Variants in PHF20 observed in about 807,000 individuals in gnomAD.
PHF20 encodes PHD finger protein 20.
Under a neutral mutation model 113.5 loss-of-function variants are expected in PHF20, and 23 were observed. That is an observed-to-expected ratio of 0.20 (90% confidence interval 0.15 to 0.29). PHF20 has a LOEUF of 0.29. PHF20 is among the 10% of genes least tolerant of loss of function. The probability of loss-of-function intolerance (pLI) is 1.00; values close to 1 mark genes in which losing one functional copy is unlikely to be tolerated. For synonymous variants in PHF20, 434 were observed against 457.3 expected (o/e 0.95, Z 0.65); for missense variants, 943 against 1,219.6 (o/e 0.77, Z 3.38).
intron 2 of PHF20, among the ~76,000 whole-genome samples, chr20:35,837,767 A>C (rs1600806786): frequency 6.6e-6 from 1 of 152,340 alleles, no homozygotes; most frequent in Admixed American, 6.5e-5. Flanking sequence ...AAAAGCACTT[A>C]ATAAATTCCT....
intron 9 of PHF20, among the ~76,000 whole-genome samples, chr20:35,899,056 CTTTATT>C (rs544499204): frequency 2.0e-5 from 3 of 151,954 alleles, no homozygotes; most frequent in African/African-American, 7.3e-5. Flanking sequence ...ACCTGAGATC[CTTTATT>C]TTTATTTTTA....
chr20:35,866,187 G>A (rs1230834170), intron 6 of PHF20, among the ~76,000 whole-genome samples: 2 of 152,136 alleles, frequency 1.3e-5, no homozygotes, highest in South Asian at 4.1e-4. Context: ...TCCAGCTTGG[G>A]TGACAGAGCG....
At chr20:35,922,756 C>G (rs2055543193) in intron 13 of PHF20, among the ~76,000 whole-genome samples, 1 of 152,162 alleles carries the variant, frequency 6.6e-6, no homozygotes, top group African/African-American at 2.4e-5. Context: ...GTTTTGAGGG[C>G]CATATGGCCT....
chr20:35,790,424 C>T (rs2041521606), intron 1 of PHF20, among the ~76,000 whole-genome samples: 1 of 150,998 alleles, frequency 6.6e-6, no homozygotes, highest in Admixed American at 6.6e-5. Context: ...TGGTCTCAAA[C>T]TCCTGACCTC....
intron 16 of PHF20, among the ~76,000 whole-genome samples, 192 bp from the exon 17 acceptor site, chr20:35,940,672 C>T (rs2055960331): frequency 6.6e-6 from 1 of 152,154 alleles, no homozygotes; most frequent in Non-Finnish European, 1.5e-5. Context: ...TAGAGTGCTA[C>T]CCTGAGGTAG....
chr20:35,800,538 A>G (rs940101917), intron 1 of PHF20, among the ~76,000 whole-genome samples: 2 of 152,214 alleles, frequency 1.3e-5, no homozygotes, highest in Middle Eastern at 3.2e-3. Flanking sequence ...TGGGAGGTTG[A>G]TGTGGGCAGA....
chr20:35,773,892 C>T (rs1333456155), intron 1 of PHF20, among the ~76,000 whole-genome samples: 2 of 152,130 alleles, frequency 1.3e-5, no homozygotes, highest in African/African-American at 4.8e-5. Flanking sequence ...AAAACAAAAA[C>T]AAACAAAACT....
At chr20:35,792,437 C>T (rs1226130569) in intron 1 of PHF20, among the ~76,000 whole-genome samples, 5 of 152,144 alleles carry the variant, frequency 3.3e-5, no homozygotes, top group African/African-American at 1.2e-4. Context: ...GATCCGCCCT[C>T]CTCGACCTCC....
chr20:35,895,333 A>G (rs1446463188), intron 9 of PHF20, among the ~76,000 whole-genome samples: 1 of 151,498 alleles, frequency 6.6e-6, no homozygotes, highest in Non-Finnish European at 1.5e-5. Context: ...TAATTTTTGT[A>G]TTTTAGTAGA....
intron 1 of PHF20, among the ~76,000 whole-genome samples, chr20:35,791,483 ATCT>A (rs1487506194): frequency 7.6e-5 from 11 of 144,216 alleles, no homozygotes; most frequent in Admixed American, 2.8e-4. Flanking sequence ...CTATCTATCT[ATCT>A]ATCTATCTAT....
chr20:35,778,387 G>A (rs2041218260), intron 1 of PHF20, among the ~76,000 whole-genome samples: 1 of 152,178 alleles, frequency 6.6e-6, no homozygotes, highest in African/African-American at 2.4e-5. Flanking sequence ...AGAAAAGGAG[G>A]GTGATGTCTT....
chr20:35,816,860 C>T (rs1423082628), intron 2 of PHF20, among the ~76,000 whole-genome samples: 8 of 149,916 alleles, frequency 5.3e-5, no homozygotes, highest in African/African-American at 1.7e-4. Flanking sequence ...GGTGCAATTT[C>T]GGCTTACTGC....
intron 10 of PHF20, among the ~76,000 whole-genome samples, chr20:35,903,276 G>A (rs145644156): frequency 6.6e-6 from 1 of 151,870 alleles, no homozygotes; most frequent in Non-Finnish European, 1.5e-5. Context: ...ATACTCACTA[G>A]ACTAGTAGGG....
In PHF20 at chr20:35,938,721, G is replaced by C; in HGVS notation, c.2325G>C (p.Pro775=). The change falls in exon 16 of 18, where the codon CCG becomes CCC. Residue 775 remains proline (P), a synonymous_variant. Transcript: ENST00000374012. The part of the protein sequence containing the change: ...ILQSREHPDL[P]LWCQPWKQHS... ...GAAGCCGGGAGCATCCTGATCTGCC[G>C]CTGTGGTGCCAGCCTTGGAAACAGC... 1.2e-6 allele frequency: 2 copies of C among 1,612,004 alleles called. No homozygotes were observed. Among genetic ancestry groups the C allele is most frequent in the Non-Finnish European group, 1.7e-6 (2 of 1,178,938 alleles).
At chr20:35,936,160 G>C (rs1216682685) in intron 15 of PHF20, among the ~76,000 whole-genome samples, 1 of 152,126 alleles carries the variant, frequency 6.6e-6, no homozygotes, top group African/African-American at 2.4e-5. Flanking sequence ...CTGTACTATG[G>C]TTCGTGTGTT....
chr20:35,790,881 C>T (rs937825407), intron 1 of PHF20, among the ~76,000 whole-genome samples: 3 of 152,058 alleles, frequency 2.0e-5, no homozygotes, highest in Non-Finnish European at 4.4e-5. Context: ...TTTTTTGAGA[C>T]AGAGCCTTGC....
Position 35,805,769 on chromosome 20 carries a change from C to T in PHF20, c.83+4164C>T, listed in dbSNP as rs1436882954. 3.3e-5 allele frequency among the ~76,000 whole-genome samples: 5 copies of T among 152,172 alleles called. No homozygotes were observed. In the East Asian group the frequency reaches 9.6e-4, roughly 29 times the overall value. On this transcript the variant is annotated intron_variant, in intron 2 of 17. Coordinates refer to ENST00000374012, the MANE Select transcript of PHF20 (RefSeq NM_016436.5). ...TGCTGGGGTTACAGGCATAAGTCAC[C>T]ATACCTGATCTATATAAATTTAACT...
intron 2 of PHF20, chr20:35,838,579 C>A (rs568210714): frequency 9.9e-5 from 15 of 152,088 alleles, no homozygotes; most frequent in African/African-American, 2.7e-4. Context: ...AAAGTAAAAT[C>A]AATACATAGA....
intron 2 of PHF20, among the ~76,000 whole-genome samples, chr20:35,813,474 C>T (rs1212700749): frequency 3.9e-5 from 6 of 152,074 alleles, no homozygotes; most frequent in Non-Finnish European, 7.4e-5. Context: ...TACTAGAAAC[C>T]CCAAACTTAC....
Sources: allele counts gnomAD v4.1 joint callset (sites outside exome capture counted in the v4.1 genomes callset), GRCh38; gene constraint gnomAD v4.1.1; transcripts MANE v1.5; gene names NCBI Gene and HGNC (gene_info 2026-07-23, HGNC 2026-07-21).